C7: variants seen among roughly 807,000 people sequenced by gnomAD.
C7 encodes complement C7.
C7 carries 83 observed loss-of-function variants against 104.8 expected under a neutral mutation model. The observed-to-expected ratio is 0.79, with a 90% CI of 0.66 to 0.95. C7 has a LOEUF of 0.95. C7 is among the 40% of genes least tolerant of loss of function. The pLI, the probability that C7 is intolerant of heterozygous loss-of-function variation, is 0.00. For missense variants in C7, 1,070 were observed against 1,011.2 expected (o/e 1.06, Z -0.79); for synonymous variants, 415 against 360.6 (o/e 1.15, Z -1.71).
At chr5:40,957,294 A>G (rs1740307513) in intron 10 of C7, among the ~76,000 whole-genome samples, 2 of 152,212 alleles carry the variant, frequency 1.3e-5, no homozygotes, top group African/African-American at 2.4e-5. Context: ...GAAATAGCCA[A>G]CGCAGAGTAA....
At chr5:40,914,236 TG>T (rs2111608038) in intron 1 of C7, among the ~76,000 whole-genome samples, 1 of 152,334 alleles carries the variant, frequency 6.6e-6, no homozygotes, top group South Asian at 2.1e-4. Context: ...CATTTTCATA[TG>T]CTTGTGAGCC....
intron 4 of C7, 136 bp from the exon 5 acceptor site, chr5:40,936,202 C>G: frequency 1.5e-6 from 1 of 668,132 alleles, no homozygotes; most frequent in Non-Finnish European, 2.6e-6. Context: ...TTCCGAGACA[C>G]TCTGAGGATT....
intron 1 of C7, among the ~76,000 whole-genome samples, chr5:40,926,779 C>A (rs1436477029): frequency 6.6e-6 from 1 of 152,038 alleles, no homozygotes; most frequent in Non-Finnish European, 1.5e-5. Flanking sequence ...AAAGGTATCC[C>A]TTGTTCATGG....
intron 16 of C7, among the ~76,000 whole-genome samples, chr5:40,978,828 A>G (rs1389624201): frequency 6.9e-6 from 1 of 144,226 alleles, no homozygotes; most frequent in East Asian, 2.0e-4. Flanking sequence ...TTTTTCCACT[A>G]TTTTAGCACC....
intron 6 of C7, among the ~76,000 whole-genome samples, chr5:40,943,631 AT>A (rs1739988756): frequency 1.3e-5 from 2 of 151,438 alleles, no homozygotes; most frequent in African/African-American, 4.9e-5. Context: ...TAAACTAAAT[AT>A]TTTTTAAATC....
intron 2 of C7, 92 bp downstream of exon 2, chr5:40,928,727 C>G (rs572424961): frequency 3.0e-6 from 2 of 673,354 alleles, no homozygotes; most frequent in Admixed American, 2.8e-5. Flanking sequence ...CACTTTGAAT[C>G]TGTGTATCCC....
intron 1 of C7, among the ~76,000 whole-genome samples, chr5:40,917,364 A>G: frequency 6.6e-6 from 1 of 152,172 alleles, no homozygotes; most frequent in East Asian, 1.9e-4. Context: ...TTTTCTAGAA[A>G]GAAAAATACT....
intron 1 of C7, among the ~76,000 whole-genome samples, chr5:40,927,698 C>T (rs1046381878): frequency 6.6e-6 from 1 of 152,012 alleles, no homozygotes; most frequent in African/African-American, 2.4e-5. Flanking sequence ...AAGTGCTCAA[C>T]ATTGCTAATC....
At chr5:40,974,340 T>C (rs975966203) in intron 15 of C7, among the ~76,000 whole-genome samples, 1 of 152,072 alleles carries the variant, frequency 6.6e-6, no homozygotes, top group African/African-American at 2.4e-5. Context: ...GCAACAAAGC[T>C]ATGTTCTTCT....
At chr5:40,938,079 A>G (rs1177579088) in intron 6 of C7, among the ~76,000 whole-genome samples, 2 of 152,106 alleles carry the variant, frequency 1.3e-5, no homozygotes, top group South Asian at 2.1e-4. Flanking sequence ...GAACTATTTC[A>G]TATATACAAA....
intron 15 of C7, among the ~76,000 whole-genome samples, chr5:40,976,233 G>T (rs3828511): frequency 0.091 from 13,804 of 152,242 alleles, 863 homozygotes; most frequent in East Asian, 0.19. Context: ...CCATGTATAA[G>T]GCAAGTGATG....
chr5:40,928,729 G>A (rs890703153), intron 2 of C7, 94 bp downstream of exon 2: 14 of 676,226 alleles, frequency 2.1e-5, no homozygotes, highest in Non-Finnish European at 3.1e-5. Flanking sequence ...CTTTGAATCT[G>A]TGTATCCCTC....
At chr5:40,923,771 G>T (rs1196216981) in intron 1 of C7, among the ~76,000 whole-genome samples, 1 of 151,888 alleles carries the variant, frequency 6.6e-6, no homozygotes. Context: ...TATGCGAGAG[G>T]GGGAAAATGT....
intron 16 of C7, among the ~76,000 whole-genome samples, chr5:40,978,593 C>T (rs1257809622): frequency 6.6e-6 from 1 of 152,080 alleles, no homozygotes; most frequent in East Asian, 1.9e-4. Context: ...TTCAAAACAA[C>T]AGGATTTGTT....
chr5:40,950,196 C>T (rs1453988784), intron 9 of C7, among the ~76,000 whole-genome samples, 182 bp downstream of exon 9: 1 of 151,964 alleles, frequency 6.6e-6, no homozygotes, highest in East Asian at 1.9e-4. Context: ...GATCTTCTCC[C>T]TCCTCCCACT....
intron 11 of C7, 50 bp from the exon 12 acceptor site, chr5:40,959,399 C>T (rs1482630725): frequency 1.3e-6 from 2 of 1,543,362 alleles, no homozygotes; most frequent in South Asian, 2.4e-5. Flanking sequence ...GCACTAAGTT[C>T]CCAAGCCCTC....
At chr5:40,924,969 C>T (rs934626457) in intron 1 of C7, among the ~76,000 whole-genome samples, 2 of 152,212 alleles carry the variant, frequency 1.3e-5, no homozygotes, top group Admixed American at 6.5e-5. Context: ...GGCCTCTTCT[C>T]CATTGTCTTG....
intron 9 of C7, among the ~76,000 whole-genome samples, chr5:40,952,573 C>A (rs555532163): frequency 1.9e-4 from 29 of 152,014 alleles, no homozygotes; most frequent in African/African-American, 6.3e-4. Context: ...TATACATGTG[C>A]CATGTTGGTG....
At chr5:40,978,681 A>C (rs1740871167) in intron 16 of C7, among the ~76,000 whole-genome samples, 1 of 152,168 alleles carries the variant, frequency 6.6e-6, no homozygotes, top group South Asian at 2.1e-4. Flanking sequence ...AAGTGTGTGA[A>C]TATAGACTCT....
Sources: gnomAD v4.1 joint callset for allele counts (sites outside exome capture counted in the v4.1 genomes callset) on GRCh38, gnomAD v4.1.1 for gene constraint, MANE v1.5 for transcripts, NCBI Gene and HGNC (gene_info 2026-07-23, HGNC 2026-07-21) for gene names.